TAF1: variants seen among roughly 807,000 people sequenced by gnomAD.
The protein encoded by TAF1 is transcription initiation factor TFIID subunit 1.
A neutral mutation model predicts 138.5 loss-of-function variants in TAF1; 2 were observed. The observed-to-expected ratio is 0.01, with a 90% CI of 0.01 to 0.05. The LOEUF is 0.05. Among genes scored for constraint, TAF1 ranks in the 10% least tolerant of loss-of-function variants. TAF1 has a pLI of 1.00. For missense variants in TAF1, 709 were observed against 1,478.0 expected, an observed-to-expected ratio of 0.48 and a Z score of 8.53; for synonymous variants, 437 against 503.2, an observed-to-expected ratio of 0.87 and a Z score of 1.76.
intron 32 of TAF1, among the ~76,000 whole-genome samples, chrX:71,439,256 A>G (rs1486095926): frequency 9.0e-6 from 1 of 111,187 alleles, no homozygotes; most frequent in Non-Finnish European, 1.9e-5. Flanking sequence ...TCTGGGTTTA[A>G]TGGGGCATTA....
chrX:71,400,229 A>G (rs2035107543), intron 24 of TAF1, among the ~76,000 whole-genome samples: 1 of 110,194 alleles, frequency 9.1e-6, no homozygotes, highest in Non-Finnish European at 1.9e-5. Flanking sequence ...AGCTGGGATT[A>G]CAGGCGTGCA....
rs7050748 is a variant in TAF1, at chrX:71,407,627, G to A, written c.4161G>A (p.Ser1387=). 21,903 of 1,209,247 alleles carry A rather than the reference G, an allele frequency of 0.018. 1,416 individuals are homozygous for A. In the African/African-American group the frequency reaches 0.25, roughly 14 times the overall value. The part of the protein sequence containing the change: ...RRRTDPMVTL[S]SILESIINDM... Reference sequence around the variant, plus strand: ...GCACAGACCCTATGGTGACGCTGTCGTCCATCTTGGAGTCTATCATCAATG... The same window carrying A: ...GCACAGACCCTATGGTGACGCTGTCATCCATCTTGGAGTCTATCATCAATG... The change falls in exon 27 of 38, where the codon TCG becomes TCA. Residue 1387 remains serine, a synonymous_variant. Coordinates refer to ENST00000423759, the MANE Select transcript of TAF1 (RefSeq NM_004606.5).
At chrX:71,455,982 ACTT>A (rs2038262340) in intron 34 of TAF1, among the ~76,000 whole-genome samples, 1 of 111,722 alleles carries the variant, frequency 9.0e-6, no homozygotes, top group Non-Finnish European at 1.9e-5. Flanking sequence ...ACCCTCAGAT[ACTT>A]CTTCAAGGTC....
At chrX:71,436,866 C>T (rs1479576919) in intron 32 of TAF1, among the ~76,000 whole-genome samples, 1 of 111,420 alleles carries the variant, frequency 9.0e-6, no homozygotes, top group Non-Finnish European at 1.9e-5. Flanking sequence ...ACCTTGTCCT[C>T]GAATAAATAA....
rs142832744 is a variant in TAF1 at position 71,526,797 on chromosome X, T to A, written c.1367-1745T>A. On this transcript the variant is annotated intron_variant and NMD_transcript_variant, in intron 13 of 14. Transcript: ENST00000373775. ...ATTTTTAGGCCAGTAATTACAGGCA[T>A]CCATCATGCCTGTAATCTCCAGCAT... Among the ~76,000 whole-genome samples, 374 of 108,941 alleles carry A rather than the reference T, an allele frequency of 3.4e-3. 2 individuals are homozygous for A. The highest frequency in any genetic ancestry group is 5.3e-3 in the Non-Finnish European group (278 of 52,457). 94.6% of individuals were successfully genotyped at this position (108,941 alleles called of 115,157 possible).
intron 24 of TAF1, 25 bp from the exon 25 acceptor site, chrX:71,401,502 CG>C (rs1456530896): frequency 2.5e-6 from 3 of 1,205,612 alleles, no homozygotes; most frequent in Non-Finnish European, 3.4e-6. Flanking sequence ...TTACCTCTGA[CG>C]TGTTTGATAC....
chrX:71,397,028 CAAAAAAAAAAAA>C (rs745812030), intron 22 of TAF1, among the ~76,000 whole-genome samples: 3 of 30,169 alleles, frequency 9.9e-5, no homozygotes, highest in Non-Finnish European at 1.3e-4. Flanking sequence ...GATCCTGTCT[CAAAAAAAAAAAA>C]AAAAAAAAAA....
intron 13 of TAF1, among the ~76,000 whole-genome samples, chrX:71,504,741 CAAAAAAAAAAAAAAAAAAAA>C (rs41370846): frequency 1.8e-4 from 1 of 5,702 alleles, no homozygotes; most frequent in African/African-American, 5.3e-4. Context: ...GACCCTGTCT[CAAAAAAAAAAAAAAAAAAAA>C]AAAAAAAAAA....
At chrX:71,485,379 A>G (rs2039152339) in intron 13 of TAF1, among the ~76,000 whole-genome samples, 1 of 111,719 alleles carries the variant, frequency 9.0e-6, no homozygotes, top group Admixed American at 9.6e-5. Context: ...TTGTAATTCT[A>G]TGTTTGACTT....
intron 25 of TAF1, 42 bp from the exon 26 acceptor site, chrX:71,406,596 T>C: frequency 8.7e-7 from 1 of 1,144,685 alleles, no homozygotes; most frequent in Non-Finnish European, 1.2e-6. Flanking sequence ...CCCTGGGAAC[T>C]AGAAATAGGG....
chrX:71,442,408 G>A (rs1473464870), intron 32 of TAF1, among the ~76,000 whole-genome samples: 1 of 112,436 alleles, frequency 8.9e-6, no homozygotes, highest in Non-Finnish European at 1.9e-5. Context: ...GCATTTCTCT[G>A]ATGGCCAGTG....
At chrX:71,466,112 A>C (rs1046501020), downstream of TAF1, 2 of 111,647 alleles carry the variant, frequency 1.8e-5, no homozygotes, top group Admixed American at 9.6e-5. Flanking sequence ...TGGATTTGAG[A>C]GATCTTTAGG....
At chrX:71,399,291 C>G (rs1404516754) in intron 24 of TAF1, among the ~76,000 whole-genome samples, 1 of 86,226 alleles carries the variant, frequency 1.2e-5, no homozygotes, top group Non-Finnish European at 2.2e-5. Context: ...GAGTCTCACT[C>G]TGTTGCCCAG....
chrX:71,523,045 G>A (rs905407105), intron 13 of TAF1, among the ~76,000 whole-genome samples: 30 of 108,779 alleles, frequency 2.8e-4, no homozygotes, highest in African/African-American at 9.7e-4. Context: ...AGCTGCGCAT[G>A]GTGATGTGCG....
intron 4 of TAF1, among the ~76,000 whole-genome samples, chrX:71,375,937 C>G (rs2033442426): frequency 8.9e-6 from 1 of 112,681 alleles, no homozygotes; most frequent in Non-Finnish European, 1.9e-5. Context: ...GTTTAGATGG[C>G]TTTATTTTAA....
chrX:71,510,575 G>T (rs2039713448), intron 13 of TAF1, among the ~76,000 whole-genome samples: 1 of 111,781 alleles, frequency 8.9e-6, no homozygotes, highest in Non-Finnish European at 1.9e-5. Flanking sequence ...TTGGGGGCAG[G>T]AGTGAGAAGT....
intron 13 of TAF1, among the ~76,000 whole-genome samples, chrX:71,524,811 G>T (rs1196920854): frequency 3.7e-5 from 4 of 107,948 alleles, no homozygotes; most frequent in African/African-American, 1.3e-4. Context: ...TGCAGTGGCG[G>T]TTGCCTGTAA....
At position 71,458,242 on chromosome X, in the gene TAF1, C is replaced by T; in HGVS notation, c.4940C>T (p.Pro1647Leu). ...PMTPGPYTPQ[P>L]PDLYDTNTSL... ...TAAGTTGTATGTTTTGTGCCACAGCCTCCTGATTTGTATGATACCAACACA... is the reference window on the plus strand; with the variant it reads ...TAAGTTGTATGTTTTGTGCCACAGCTTCCTGATTTGTATGATACCAACACA... The change falls in exon 35 of 38, where the codon CCT becomes CTT. Residue 1647 changes from proline (P) to leucine (L), a missense_variant and splice_region_variant. By Grantham distance (98) the Pro-to-Leu change is moderately conservative (BLOSUM62 -3). Transcript: ENST00000423759. 8.3e-7 allele frequency: 1 copy of T among 1,210,058 alleles called. No individual in the cohort carries two copies. The highest frequency in any genetic ancestry group is 1.1e-6 in the Non-Finnish European group (1 of 894,862).
chrX:71,417,938 A>G (rs952654495), intron 28 of TAF1, among the ~76,000 whole-genome samples: 7 of 112,022 alleles, frequency 6.2e-5, no homozygotes, highest in African/African-American at 1.9e-4. Flanking sequence ...CTTCAGTGCT[A>G]TTCAGTCAGT....
Sources: allele counts gnomAD v4.1 joint callset (sites outside exome capture counted in the v4.1 genomes callset), GRCh38; gene constraint gnomAD v4.1.1; transcripts MANE v1.5; gene names NCBI Gene and HGNC (gene_info 2026-07-23, HGNC 2026-07-21).